The following MAML2 variants were observed in gnomAD, a reference collection of about 807,000 sequenced individuals.
MAML2 encodes the protein mastermind-like protein 2.
In MAML2, 22 loss-of-function variants were observed where a neutral mutation model predicts 96.1. The ratio of observed to expected loss-of-function variants is 0.23; its 90% CI spans 0.16 to 0.33. MAML2 has a LOEUF of 0.33. Among genes scored for constraint, MAML2 ranks in the 10% least tolerant of loss-of-function variants. The pLI, the probability that MAML2 is intolerant of heterozygous loss-of-function variation, is 1.00. For synonymous variants in MAML2, 561 were observed against 521.3 expected, an observed-to-expected ratio of 1.08 and a Z score of -1.04; for missense variants, 1,367 against 1,392.4, an observed-to-expected ratio of 0.98 and a Z score of 0.29.
At chr11:96,279,734 T>C (rs1863039911) in intron 1 of MAML2, among the ~76,000 whole-genome samples, 1 of 152,210 alleles carries the variant, frequency 6.6e-6, no homozygotes, top group South Asian at 2.1e-4. Context: ...CAATCTGGAA[T>C]TGGCAGCATG....
At chr11:96,025,219 TA>T (rs1430311569) in intron 2 of MAML2, among the ~76,000 whole-genome samples, 1 of 151,886 alleles carries the variant, frequency 6.6e-6, no homozygotes, top group African/African-American at 2.4e-5. Context: ...CCCACAGCCA[TA>T]AAAAAGAAAA....
chr11:96,042,177 C>T (rs113957697), intron 2 of MAML2, among the ~76,000 whole-genome samples: 29,092 of 152,046 alleles, frequency 0.19, 3,128 homozygotes, highest in East Asian at 0.32. Flanking sequence ...GAGGTTTTAC[C>T]GTGTTAGCCA....
intron 2 of MAML2, among the ~76,000 whole-genome samples, chr11:96,068,533 A>C (rs959350768): frequency 1.3e-5 from 2 of 151,526 alleles, no homozygotes; most frequent in Non-Finnish European, 2.9e-5. Flanking sequence ...ACTCTGACTT[A>C]ATTGGTCTTG....
intron 1 of MAML2, among the ~76,000 whole-genome samples, chr11:96,303,774 A>T (rs1157151474): frequency 1.3e-5 from 2 of 152,190 alleles, no homozygotes; most frequent in Non-Finnish European, 1.5e-5. Flanking sequence ...ATGCTGCCCA[A>T]GCTACACCTG....
Position 96,315,026 on chromosome 11 carries a change from G to T in MAML2, c.513+26357C>A, listed in dbSNP as rs532244955. 3.9e-5 allele frequency among the ~76,000 whole-genome samples: 6 copies of T among 152,350 alleles called. No individual in the cohort carries two copies. In the East Asian group the frequency reaches 1.2e-3, roughly 29 times the overall value. Reference sequence around the variant, plus strand: ...ACCCTAGAGGTTCCATTTAGTTACAGTAGGCACTAGAAAGCTTCTGAGATA... The same window carrying T: ...ACCCTAGAGGTTCCATTTAGTTACATTAGGCACTAGAAAGCTTCTGAGATA... On this transcript the variant is annotated intron_variant, in intron 1 of 4. Coordinates refer to ENST00000524717, the MANE Select transcript of MAML2 (RefSeq NM_032427.4).
At chr11:96,264,553 T>C (rs775518335) in intron 1 of MAML2, among the ~76,000 whole-genome samples, 5 of 152,252 alleles carry the variant, frequency 3.3e-5, no homozygotes, top group Non-Finnish European at 7.3e-5. Context: ...GTTCTATTCC[T>C]GACCCTCTTA....
intron 1 of MAML2, among the ~76,000 whole-genome samples, chr11:96,165,882 C>T (rs981978754): frequency 2.0e-5 from 3 of 152,110 alleles, no homozygotes; most frequent in African/African-American, 7.2e-5. Flanking sequence ...TGAACATTTC[C>T]CCCATATATT....
At chr11:96,249,831 A>T (rs527383508) in intron 1 of MAML2, among the ~76,000 whole-genome samples, 1 of 152,290 alleles carries the variant, frequency 6.6e-6, no homozygotes, top group South Asian at 2.1e-4. Flanking sequence ...TAAGCCTATA[A>T]AAATGAGCTA....
intron 1 of MAML2, among the ~76,000 whole-genome samples, chr11:96,316,701 G>T (rs1228053569): frequency 6.6e-6 from 1 of 152,182 alleles, no homozygotes. Flanking sequence ...TGCAACAGGA[G>T]GCTACTTAAG....
chr11:96,025,363 A>G (rs1479635864), intron 2 of MAML2, among the ~76,000 whole-genome samples: 2 of 152,192 alleles, frequency 1.3e-5, no homozygotes, highest in Non-Finnish European at 2.9e-5. Context: ...ACACATGGAC[A>G]TAAAGATGGG....
intron 2 of MAML2, among the ~76,000 whole-genome samples, chr11:95,999,790 C>A (rs1333763957): frequency 6.6e-6 from 1 of 152,070 alleles, no homozygotes; most frequent in Non-Finnish European, 1.5e-5. Context: ...TAGGCATCCG[C>A]AATTTGCAAA....
chr11:96,061,572 G>T (rs146162206), intron 2 of MAML2, among the ~76,000 whole-genome samples: 51 of 152,090 alleles, frequency 3.4e-4, no homozygotes, highest in African/African-American at 1.2e-3. Context: ...GAATATAGGT[G>T]CCTACTACCA....
chr11:96,085,017 A>C (rs1859585654), intron 2 of MAML2, among the ~76,000 whole-genome samples: 1 of 152,192 alleles, frequency 6.6e-6, no homozygotes, highest in Non-Finnish European at 1.5e-5. Flanking sequence ...ATGCACAGGG[A>C]AGCAGTCATT....
intron 1 of MAML2, among the ~76,000 whole-genome samples, chr11:96,333,341 T>G (rs1178470967): frequency 1.3e-5 from 2 of 151,530 alleles, no homozygotes; most frequent in Non-Finnish European, 2.9e-5. Context: ...GGTTAAATCA[T>G]GGGGAGTAAG....
At chr11:96,213,150 G>A (rs1439353697) in intron 1 of MAML2, among the ~76,000 whole-genome samples, 1 of 152,186 alleles carries the variant, frequency 6.6e-6, no homozygotes, top group Non-Finnish European at 1.5e-5. Flanking sequence ...GAGTAGAAAA[G>A]CTAAGTTTTG....
intron 1 of MAML2, among the ~76,000 whole-genome samples, chr11:96,234,239 T>C (rs1157459764): frequency 6.6e-6 from 1 of 152,164 alleles, no homozygotes; most frequent in Admixed American, 6.5e-5. Flanking sequence ...CCCAGCACTT[T>C]GGGAAGCCAA....
At chr11:96,159,710 G>C (rs555342312) in intron 1 of MAML2, among the ~76,000 whole-genome samples, 10 of 152,104 alleles carry the variant, frequency 6.6e-5, no homozygotes, top group African/African-American at 1.7e-4. Context: ...AGGTGTGAGC[G>C]ACCGCGCCCG....
intron 2 of MAML2, among the ~76,000 whole-genome samples, chr11:96,044,564 G>A (rs1401945746): frequency 6.6e-6 from 1 of 152,162 alleles, no homozygotes; most frequent in African/African-American, 2.4e-5. Flanking sequence ...TTGGCATAGA[G>A]GGAGTGCTCA....
At chr11:96,274,533 G>T (rs558625388) in intron 1 of MAML2, among the ~76,000 whole-genome samples, 1 of 151,766 alleles carries the variant, frequency 6.6e-6, no homozygotes, top group African/African-American at 2.4e-5. Flanking sequence ...TATTCCTTAT[G>T]AATTATGTAG....
Sources: allele counts gnomAD v4.1 joint callset (sites outside exome capture counted in the v4.1 genomes callset), GRCh38; gene constraint gnomAD v4.1.1; transcripts MANE v1.5; gene names NCBI Gene and HGNC (gene_info 2026-07-23, HGNC 2026-07-21).